The following ZNF316 variants were observed in gnomAD, a reference collection of about 807,000 sequenced individuals.
ZNF316 encodes the protein zinc finger protein 316.
In ZNF316, 23 loss-of-function variants were observed where a neutral mutation model predicts 75.6. The ratio of observed to expected loss-of-function variants is 0.30; its 90% CI spans 0.22 to 0.43. The LOEUF (loss-of-function observed/expected upper bound fraction) is 0.43. Among genes scored for constraint, ZNF316 ranks in the 20% least tolerant of loss-of-function variants. ZNF316 has a pLI of 1.00. For missense variants in ZNF316, 1,266 were observed against 1,409.4 expected (o/e 0.90, Z 1.63); for synonymous variants, 827 against 666.2 (o/e 1.24, Z -3.72).
chr7:6,649,522 T>C (rs1031524255), intron 8 of ZNF316, among the ~76,000 whole-genome samples: 1 of 152,200 alleles, frequency 6.6e-6, no homozygotes, highest in Non-Finnish European at 1.5e-5. Context: ...GCAAACGCCC[T>C]CGGGGCCTTG....
chr7:6,654,344 C>T lies in ZNF316; in HGVS notation c.2748C>T (p.Ala916=), dbSNP rs548485488. Reference sequence around the variant, plus strand: ...CACATACGGGCGAGCGGCCCTACGCCTGCGCCAACTGCGGCCGCCGCTTCT... The same window carrying T: ...CACATACGGGCGAGCGGCCCTACGCTTGCGCCAACTGCGGCCGCCGCTTCT... ...QRTHTGERPY[A]CANCGRRFSQ... The change falls in exon 9 of 9, where the codon GCC becomes GCT. Residue 916 remains alanine, a synonymous_variant. Transcript: ENST00000382252. 1.6e-6 allele frequency: 2 copies of T among 1,221,372 alleles called. No homozygotes were observed. The highest frequency in any genetic ancestry group is 4.1e-5 in the South Asian group (1 of 24,542). The allele number at this position is 1,221,372 out of a possible 1,614,324, so 75.7% of individuals were successfully genotyped here.
chr7:6,651,188 A>G (rs888337248), intron 8 of ZNF316, among the ~76,000 whole-genome samples: 1 of 151,112 alleles, frequency 6.6e-6, no homozygotes, highest in Non-Finnish European at 1.5e-5. Context: ...CATCTCTACT[A>G]AAATCATCAT....
chr7:6,650,758 G>C (rs1779493465), intron 8 of ZNF316, among the ~76,000 whole-genome samples: 1 of 152,200 alleles, frequency 6.6e-6, no homozygotes, highest in Non-Finnish European at 1.5e-5. Flanking sequence ...GAACCTTCCA[G>C]ATGCTGAGAC....
chr7:6,652,597 C>T lies in ZNF316; in HGVS notation c.1001C>T (p.Ala334Val). Residue 334 changes from alanine to valine, a missense_variant, in exon 9 of 9, where the codon GCC (alanine) becomes GTC (valine). By Grantham distance (64) the Ala-to-Val change is moderately conservative. Around this residue, in one of 3 missense-constraint regions of ZNF316, gnomAD observed 961 missense variants for 990.9 expected, o/e 0.97. Transcript: ENST00000382252. ...ANLLSPWAFP[A>V]AVAPPAGRPE... Reference sequence around the variant, plus strand: ...CTGCTGTCGCCCTGGGCGTTCCCCGCCGCAGTGGCCCCGCCGGCCGGGAGG... The same window carrying T: ...CTGCTGTCGCCCTGGGCGTTCCCCGTCGCAGTGGCCCCGCCGGCCGGGAGG... 8.1e-7 allele frequency: 1 copy of T among 1,230,530 alleles called. No homozygotes were observed. 76.2% of individuals were successfully genotyped at this position (1,230,530 alleles called of 1,614,324 possible).
Position 6,639,162 on chromosome 7 carries a change from TC to T in ZNF316, c.-167+27del, listed in dbSNP as rs1779270902. ...CTGGGGTGAGTTCCAATTCCAAGGG[TC>T]CCCCCAACCCCCTACCCCCAGCAGT... On this transcript the variant is annotated intron_variant, in intron 3 of 8. Transcript: ENST00000382252. The surrounding 1 kb of genome is among the most constrained non-coding windows in gnomAD (Gnocchi z 4.2). 6.6e-6 allele frequency: 1 copy of T among 151,970 alleles called. No individual in the cohort carries two copies. The highest frequency in any genetic ancestry group is 1.5e-5 in the Non-Finnish European group (1 of 68,060). 9.4% of individuals were successfully genotyped at this position (151,970 alleles called of 1,614,324 possible). A position where few individuals can be genotyped will look rare whatever the true frequency, so the allele number is the denominator to read the frequency against.
Position 6,642,787 on chromosome 7 carries a change from G to T in ZNF316, c.355+23G>T. 8.1e-7 allele frequency: 1 copy of T among 1,233,462 alleles called. No homozygotes were observed. The highest frequency in any genetic ancestry group is 4.1e-5 in the South Asian group (1 of 24,440). 76.4% of individuals were successfully genotyped at this position (1,233,462 alleles called of 1,614,324 possible). On this transcript the variant is annotated intron_variant, in intron 5 of 8. Transcript: ENST00000382252. This position sits in a 1 kb window ranked among gnomAD's most constrained non-coding sequence, Gnocchi z 8.1. ...AGGGTAAGAAAAGCAGCCAGCCTTG[G>T]GGAGGAGATGAAGGGGGCTGAGGTG...
At position 6,642,810 on chromosome 7, in the gene ZNF316, G is replaced by A; in HGVS notation, c.355+46G>A. The A allele has an allele frequency of 8.1e-7, 1 of 1,232,882 alleles. No homozygotes were observed. The allele number at this position is 1,232,882 out of a possible 1,614,324, so 76.4% of individuals were successfully genotyped here. Reference sequence around the variant, plus strand: ...TGGGGAGGAGATGAAGGGGGCTGAGGTGGGCCAGGCCAGGGACCTGGTCAA... The same window carrying A: ...TGGGGAGGAGATGAAGGGGGCTGAGATGGGCCAGGCCAGGGACCTGGTCAA... On this transcript the variant is annotated intron_variant, in intron 5 of 8. Coordinates refer to ENST00000382252, the MANE Select transcript of ZNF316 (RefSeq NM_001278559.2). The surrounding 1 kb of genome is among the most constrained non-coding windows in gnomAD (Gnocchi z 8.1).
In ZNF316 at chr7:6,642,613, G is replaced by A; in HGVS notation, c.204G>A (p.Gln68=). ...EGVAEVVQDA[Q]VEAVAEVEVE... Reference sequence around the variant, plus strand: ...TGGCAGAGGTAGTGCAGGATGCGCAGGTGGAGGCGGTGGCCGAGGTGGAGG... The same window carrying A: ...TGGCAGAGGTAGTGCAGGATGCGCAAGTGGAGGCGGTGGCCGAGGTGGAGG... The change falls in exon 5 of 9, where the codon CAG becomes CAA. Residue 68 remains glutamine, a synonymous_variant. Coordinates refer to ENST00000382252, the MANE Select transcript of ZNF316 (RefSeq NM_001278559.2). This position sits in a 1 kb window ranked among gnomAD's most constrained non-coding sequence, Gnocchi z 8.1. 1.6e-6 allele frequency: 2 copies of A among 1,228,576 alleles called. No homozygotes were observed. Among genetic ancestry groups the A allele is most frequent in the Non-Finnish European group, 2.0e-6 (2 of 983,638 alleles). 76.1% of individuals were successfully genotyped at this position (1,228,576 alleles called of 1,614,324 possible).
At position 6,652,818 on chromosome 7, in the gene ZNF316, A is replaced by G; in HGVS notation, c.1222A>G (p.Lys408Glu). 1 of 1,255,528 alleles carries G rather than the reference A, an allele frequency of 8.0e-7. No homozygotes were observed. Among genetic ancestry groups the G allele is most frequent in the East Asian group, 3.1e-5 (1 of 32,760 alleles). The allele number at this position is 1,255,528 out of a possible 1,614,324, so 77.8% of individuals were successfully genotyped here. ...GCCCTTCCCGTGCCCGGACTGCGGC[A>G]AGCGCTTCGTCTACAAGTCGCACCT... ...EKPFPCPDCG[K>E]RFVYKSHLVT... is the part of the protein sequence containing the mutation. Residue 408 changes from lysine (K) to glutamate (E), a missense_variant, in exon 9 of 9, where the codon AAG becomes GAG. Lys to Glu is a moderately conservative substitution (Grantham distance 56, BLOSUM62 1). Transcript: ENST00000382252.
rs1334312654 is a variant in ZNF316 at position 6,652,526 on chromosome 7, C to T, written c.930C>T (p.Gly310=). The change falls in exon 9 of 9, where the codon GGC becomes GGT. Residue 310 remains glycine, a synonymous_variant. Transcript: ENST00000382252. ...DPGGLGVLAD[G]SEAKPFLPGR... is the part of the protein sequence containing the mutation. ...GCGGCCTGGGGGTCCTGGCCGACGG[C>T]TCTGAAGCGAAGCCTTTCCTGCCCG... is the stretch of plus-strand genomic sequence containing the variant. 19 of 1,231,148 alleles carry T rather than the reference C, an allele frequency of 1.5e-5. No homozygotes were observed. The highest frequency in any genetic ancestry group is 4.1e-6 in the Non-Finnish European group (4 of 987,600). 76.3% of individuals were successfully genotyped at this position (1,231,148 alleles called of 1,614,324 possible). A position where few individuals can be genotyped will look rare whatever the true frequency, so the allele number is the denominator to read the frequency against.
In ZNF316 at chr7:6,653,047, C is replaced by T. The variant is rs1370055456; in HGVS notation, c.1451C>T (p.Pro484Leu). ...RHQAVHTADR[P>L]HCCPDCGQAF... is the part of the protein sequence containing the mutation. The stretch of plus-strand genomic sequence containing the variant: ...CAGGCGGTGCACACGGCCGACCGCC[C>T]GCACTGCTGTCCCGACTGCGGCCAG... The change falls in exon 9 of 9, where the codon CCG becomes CTG. Residue 484 changes from proline to leucine, a missense_variant. Pro to Leu is a moderately conservative substitution (Grantham distance 98, BLOSUM62 -3). This residue lies in a region of ZNF316 where 961 missense variants were observed against 990.9 expected (regional missense o/e 0.97). Transcript: ENST00000382252. 48 of 1,217,824 alleles carry T rather than the reference C, an allele frequency of 3.9e-5. No individual in the cohort carries two copies. Among genetic ancestry groups the T allele is most frequent in the African/African-American group, 4.7e-5 (3 of 63,678 alleles). 75.4% of individuals were successfully genotyped at this position (1,217,824 alleles called of 1,614,324 possible). A position where few individuals can be genotyped will look rare whatever the true frequency, so the allele number is the denominator to read the frequency against.
rs1439700849 is a variant in ZNF316 at position 6,640,583 on chromosome 7, G to C, written c.-166-1242G>C. 6.6e-6 allele frequency among the ~76,000 whole-genome samples: 1 copy of C among 152,222 alleles called. No individual in the cohort carries two copies. Among genetic ancestry groups the C allele is most frequent in the Non-Finnish European group, 1.5e-5 (1 of 68,030 alleles). On this transcript the variant is annotated intron_variant, in intron 3 of 8. Transcript: ENST00000382252. The surrounding 1 kb of genome is among the most constrained non-coding windows in gnomAD (Gnocchi z 5.1). ...CACCTCCCACCAGGCCCCGCCTCCAGCATTGGGGATTACGGTTCAGCGTGA... is the reference window on the plus strand; with the variant it reads ...CACCTCCCACCAGGCCCCGCCTCCACCATTGGGGATTACGGTTCAGCGTGA...
chr7:6,658,229 A>G lies in ZNF316; in HGVS notation c.*3618A>G, dbSNP rs149235712. Reference sequence around the variant, plus strand: ...CTCTAATTGGCTACATATGGAATAAAGTATTTTGAATTACTGGGTTATATC... The same window carrying G: ...CTCTAATTGGCTACATATGGAATAAGGTATTTTGAATTACTGGGTTATATC... On this transcript the variant is annotated 3_prime_UTR_variant, in exon 9 of 9. Transcript: ENST00000382252. 7.8e-3 allele frequency among the ~76,000 whole-genome samples: 1,180 copies of G among 152,204 alleles called. 12 individuals are homozygous for G. The highest frequency in any genetic ancestry group is 0.025 in the South Asian group (121 of 4,830).
In ZNF316 at chr7:6,642,180, C is replaced by T; in HGVS notation, c.-28-202C>T. 1 of 388,076 alleles carries T rather than the reference C, an allele frequency of 2.6e-6. No individual in the cohort carries two copies. 24.0% of individuals were successfully genotyped at this position (388,076 alleles called of 1,614,324 possible). ...TCACGCGGAGGGGCCATTGGGGCAG[C>T]CTTTCTGGGTACAGAATGTCTTGAT... On this transcript the variant is annotated intron_variant, in intron 4 of 8. Transcript: ENST00000382252. The surrounding 1 kb of genome is among the most constrained non-coding windows in gnomAD (Gnocchi z 8.1).
At position 6,644,574 on chromosome 7, in the gene ZNF316, C is replaced by A. The variant is rs891115460; in HGVS notation, c.687C>A (p.Ile229=). The A allele has an allele frequency of 2.4e-6, 3 of 1,231,962 alleles. No individual in the cohort carries two copies. The highest frequency in any genetic ancestry group is 3.0e-6 in the Non-Finnish European group (3 of 987,726). The allele number at this position is 1,231,962 out of a possible 1,614,324, so 76.3% of individuals were successfully genotyped here. ...GTCCCCGACCTGAGGAAGGAGACAT[C>A]GTCACTGGCGTCTACACAGGTGAGC... The part of the protein sequence containing the change: ...PDSPRPEEGD[I]VTGVYTGAWF... Residue 229 remains isoleucine (I), a synonymous_variant, in exon 8 of 9, where the codon ATC becomes ATA. Transcript: ENST00000382252.
At position 6,637,663 on chromosome 7, in the gene ZNF316, C is replaced by G. The variant is rs1272214347; in HGVS notation, c.-430-183C>G. Among the ~76,000 whole-genome samples, 2 of 151,016 alleles carry G rather than the reference C, an allele frequency of 1.3e-5. No homozygotes were observed. The highest frequency in any genetic ancestry group is 3.0e-5 in the Non-Finnish European group (2 of 67,674). ...GCAGCGCCCCCGCCTCCCGGACCCCCGTCCGGGCCTGCGCGTTGCCGACCC... is the reference window on the plus strand; with the variant it reads ...GCAGCGCCCCCGCCTCCCGGACCCCGGTCCGGGCCTGCGCGTTGCCGACCC... On this transcript the variant is annotated intron_variant, in intron 1 of 8. Coordinates refer to ENST00000382252, the MANE Select transcript of ZNF316 (RefSeq NM_001278559.2). This position sits in a 1 kb window ranked among gnomAD's most constrained non-coding sequence, Gnocchi z 6.2.
At chr7:6,649,172 C>T (rs544010350) in intron 8 of ZNF316, among the ~76,000 whole-genome samples, 2 of 152,178 alleles carry the variant, frequency 1.3e-5, no homozygotes, top group Non-Finnish European at 1.5e-5. Flanking sequence ...TCTGATCGGC[C>T]TCTCCTTTTT....
At position 6,637,777 on chromosome 7, in the gene ZNF316, G is replaced by T. The variant is rs1290563423; in HGVS notation, c.-430-69G>T. ...GGTGCCCGCCCACGCCTTCTCGGCC[G>T]CAGCGGCAGGGGCTGGGCCGCGGCC... On this transcript the variant is annotated intron_variant, in intron 1 of 8. Coordinates refer to ENST00000382252, the MANE Select transcript of ZNF316 (RefSeq NM_001278559.2). This position sits in a 1 kb window ranked among gnomAD's most constrained non-coding sequence, Gnocchi z 6.2. 1 of 152,118 alleles carries T rather than the reference G, an allele frequency of 6.6e-6. No homozygotes were observed. The highest frequency in any genetic ancestry group is 2.4e-5 in the African/African-American group (1 of 41,432). 9.4% of individuals were successfully genotyped at this position (152,118 alleles called of 1,614,324 possible).
Position 6,653,406 on chromosome 7 carries a change from C to G in ZNF316, c.1810C>G (p.Pro604Ala), listed in dbSNP as rs1779552152. Reference protein sequence around the residue: ...HPLGFHFPVHPKSWLHPDSFP... With the variant: ...HPLGFHFPVHAKSWLHPDSFP... The stretch of plus-strand genomic sequence containing the variant: ...GCTGGGCTTCCACTTCCCCGTGCAC[C>G]CCAAGTCCTGGCTGCACCCGGACAG... Residue 604 changes from proline (P) to alanine (A), a missense_variant, in exon 9 of 9, where the codon CCC (proline) becomes GCC (alanine). By Grantham distance (27) the Pro-to-Ala change is conservative (BLOSUM62 -1). This residue lies in a region of ZNF316 where 961 missense variants were observed against 990.9 expected (regional missense o/e 0.97). Transcript: ENST00000382252. The G allele has an allele frequency of 8.1e-7, 1 of 1,227,726 alleles. No homozygotes were observed. Among genetic ancestry groups the G allele is most frequent in the Non-Finnish European group, 1.0e-6 (1 of 985,776 alleles). 76.1% of individuals were successfully genotyped at this position (1,227,726 alleles called of 1,614,324 possible).
Sources: gnomAD v4.1 joint callset for allele counts (sites outside exome capture counted in the v4.1 genomes callset) on GRCh38, gnomAD v4.1.1 for gene constraint, gnomAD v4.1.1 regional missense constraint, Gnocchi (gnomAD v3.1) non-coding constraint, MANE v1.5 for transcripts, NCBI Gene and HGNC (gene_info 2026-07-23, HGNC 2026-07-21) for gene names.